Variants in ANO2 observed in about 807,000 individuals in gnomAD.
The protein encoded by ANO2 is anoctamin 2, also known as anoctamin-2.
Under a neutral mutation model 124.2 loss-of-function variants are expected in ANO2, and 101 were observed. The observed-to-expected ratio is 0.81, with a 90% CI of 0.69 to 0.96. The LOEUF (loss-of-function observed/expected upper bound fraction) is 0.96, where lower values mean the gene tolerates loss of function less well. ANO2 is among the 40% of genes least tolerant of loss of function. The probability of loss-of-function intolerance (pLI) is 0.00; values close to 1 mark genes in which losing one functional copy is unlikely to be tolerated. For synonymous variants in ANO2, 486 were observed against 482.5 expected (o/e 1.01, Z -0.09); for missense variants, 1,293 against 1,274.5 (o/e 1.01, Z -0.22).
chr12:5,823,251 C>T (rs911269065), intron 7 of ANO2, among the ~76,000 whole-genome samples: 2 of 152,156 alleles, frequency 1.3e-5, no homozygotes, highest in Non-Finnish European at 2.9e-5. Context: ...AAAGTCTTAA[C>T]TCATTTCAGA....
chr12:5,621,178 A>G (rs1945101700), intron 16 of ANO2, among the ~76,000 whole-genome samples: 1 of 152,102 alleles, frequency 6.6e-6, no homozygotes, highest in Admixed American at 6.5e-5. Context: ...ACCCCCGCAT[A>G]CAGTTTGGAG....
At chr12:5,592,824 C>G (rs1037432010) in intron 20 of ANO2, among the ~76,000 whole-genome samples, 4 of 152,158 alleles carry the variant, frequency 2.6e-5, no homozygotes, top group South Asian at 4.1e-4. Context: ...TTAGGGTTCA[C>G]GCAAAGTCAG....
At chr12:5,566,917 T>C (rs1941798818) in intron 23 of ANO2, among the ~76,000 whole-genome samples, 2 of 152,116 alleles carry the variant, frequency 1.3e-5, no homozygotes, top group Non-Finnish European at 2.9e-5. Flanking sequence ...TTTGGTCCCT[T>C]CTCCTGCCAT....
At chr12:5,738,922 C>T (rs899845072) in intron 13 of ANO2, among the ~76,000 whole-genome samples, 2 of 152,170 alleles carry the variant, frequency 1.3e-5, no homozygotes, top group African/African-American at 2.4e-5. Context: ...ACAACCAGCA[C>T]CTGACACCCT....
chr12:5,873,730 G>A (rs972725108), intron 3 of ANO2, among the ~76,000 whole-genome samples: 1 of 152,224 alleles, frequency 6.6e-6, no homozygotes. Context: ...TGAGCTAATG[G>A]GGCTGCTTGG....
intron 14 of ANO2, among the ~76,000 whole-genome samples, chr12:5,672,039 C>G (rs538343917): frequency 6.6e-6 from 1 of 152,142 alleles, no homozygotes; most frequent in African/African-American, 2.4e-5. Context: ...CCTAGGTTCT[C>G]GCTGAGGACT....
chr12:5,640,075 T>C (rs1037807166), intron 15 of ANO2, among the ~76,000 whole-genome samples: 2 of 152,102 alleles, frequency 1.3e-5, no homozygotes, highest in African/African-American at 4.8e-5. Flanking sequence ...ACACACAGGA[T>C]TGGCGGAGAG....
At chr12:5,653,706 A>T (rs1947027105) in intron 14 of ANO2, among the ~76,000 whole-genome samples, 1 of 152,238 alleles carries the variant, frequency 6.6e-6, no homozygotes. Flanking sequence ...TCTTGGCCCT[A>T]GGTAGTAGCA....
intron 3 of ANO2, among the ~76,000 whole-genome samples, chr12:5,907,538 C>A (rs929146796): frequency 1.6e-4 from 25 of 152,186 alleles, no homozygotes; most frequent in African/African-American, 5.5e-4. Flanking sequence ...AGTAAACTCC[C>A]TGCACCTTCT....
intron 3 of ANO2, among the ~76,000 whole-genome samples, chr12:5,915,417 A>G (rs1941322043): frequency 6.6e-6 from 1 of 152,206 alleles, no homozygotes; most frequent in African/African-American, 2.4e-5. Flanking sequence ...TCCTGTCAAA[A>G]GCATGCCCAG....
intron 19 of ANO2, among the ~76,000 whole-genome samples, chr12:5,610,983 T>TTTTTTTTTTTTTTTTTTTG (rs1555100751): frequency 3.3e-5 from 4 of 121,652 alleles, no homozygotes; most frequent in Non-Finnish European, 5.3e-5. Flanking sequence ...TTTTTTTTTT[T>TTTTTTTTTTTTTTTTTTTG]TTTTTTGAGA....
At chr12:5,889,691 G>C (rs1177971352) in intron 3 of ANO2, among the ~76,000 whole-genome samples, 1 of 152,242 alleles carries the variant, frequency 6.6e-6, no homozygotes, top group East Asian at 1.9e-4. Context: ...CTGGCCACCA[G>C]ACAGGCCATT....
intron 14 of ANO2, among the ~76,000 whole-genome samples, chr12:5,722,126 T>G (rs1257470854): frequency 1.3e-5 from 2 of 152,224 alleles, no homozygotes; most frequent in African/African-American, 4.8e-5. Context: ...GCAACACTCA[T>G]GCTTCCTGTT....
intron 10 of ANO2, among the ~76,000 whole-genome samples, chr12:5,794,578 G>C (rs1008618955): frequency 6.6e-6 from 1 of 152,222 alleles, no homozygotes; most frequent in African/African-American, 2.4e-5. Flanking sequence ...CTTCCAGGAA[G>C]TCTTGTCTTA....
chr12:5,937,724 C>T (rs73259018), intron 1 of ANO2, among the ~76,000 whole-genome samples: 14,807 of 151,962 alleles, frequency 0.097, 1,154 homozygotes, highest in African/African-American at 0.21. Context: ...GCTGTTGTTG[C>T]CAGGGTATGC....
At chr12:5,666,479 T>C (rs1342243243) in intron 14 of ANO2, among the ~76,000 whole-genome samples, 1 of 152,186 alleles carries the variant, frequency 6.6e-6, no homozygotes, top group Non-Finnish European at 1.5e-5. Flanking sequence ...TCACCACTGG[T>C]TGACAAGCAC....
At chr12:5,774,248 A>T (rs193045476) in intron 10 of ANO2, among the ~76,000 whole-genome samples, 3 of 152,306 alleles carry the variant, frequency 2.0e-5, no homozygotes, top group Non-Finnish European at 4.4e-5. Flanking sequence ...TGAGCCCAGG[A>T]GTTTGAAACC....
intron 14 of ANO2, among the ~76,000 whole-genome samples, chr12:5,699,673 G>A (rs550583976): frequency 1.3e-5 from 2 of 149,126 alleles, no homozygotes; most frequent in South Asian, 4.3e-4. Flanking sequence ...AGACCCATCA[G>A]TGTGCTGTAT....
At chr12:5,848,118 T>C (rs573088406) in intron 4 of ANO2, among the ~76,000 whole-genome samples, 111 of 152,336 alleles carry the variant, frequency 7.3e-4, no homozygotes, top group African/African-American at 2.6e-3. Flanking sequence ...ATGAAGAACA[T>C]TGCAGAAGCT....
Sources: allele counts gnomAD v4.1 joint callset (sites outside exome capture counted in the v4.1 genomes callset), GRCh38; gene constraint gnomAD v4.1.1; transcripts MANE v1.5; gene names NCBI Gene and HGNC (gene_info 2026-07-23, HGNC 2026-07-21).